Variants in NDE1 observed in about 807,000 individuals in gnomAD.
NDE1 encodes the protein nuclear distribution protein nudE homolog 1.
In NDE1, 28 loss-of-function variants were observed where a neutral mutation model predicts 43.4. That is an observed-to-expected ratio of 0.65 (90% CI 0.48 to 0.89). The LOEUF (loss-of-function observed/expected upper bound fraction) is 0.89, where lower values mean the gene tolerates loss of function less well. Ranked by LOEUF, NDE1 falls within the 40% of genes least tolerant of loss-of-function variation. The pLI, the probability that NDE1 is intolerant of heterozygous loss-of-function variation, is 0.00. For synonymous variants in NDE1, 184 were observed against 172.0 expected (o/e 1.07, Z -0.55); for missense variants, 441 against 434.1 (o/e 1.02, Z -0.14).
intron 2 of NDE1, among the ~76,000 whole-genome samples, chr16:15,666,248 T>G (rs2037301172): frequency 6.6e-6 from 1 of 152,088 alleles, no homozygotes; most frequent in Non-Finnish European, 1.5e-5. Flanking sequence ...TTGGCACTGT[T>G]TTTATTTATA....
intron 2 of NDE1, among the ~76,000 whole-genome samples, chr16:15,665,960 T>G (rs1255761432): frequency 6.6e-6 from 1 of 152,096 alleles, no homozygotes; most frequent in Non-Finnish European, 1.5e-5. Flanking sequence ...TTCTCCATGT[T>G]GGTCAGGCAG....
intron 1 of NDE1, among the ~76,000 whole-genome samples, chr16:15,656,260 T>G (rs560569238): frequency 7.2e-5 from 11 of 152,324 alleles, no homozygotes; most frequent in Admixed American, 5.2e-4. Flanking sequence ...GAGTTTTTGG[T>G]TGAAATGCTG....
intron 8 of NDE1, chr16:15,712,882 G>GTTTTTTTTTTTTTTTTTTTTTTTTTTGT (rs59799809): frequency 1.1e-5 from 1 of 90,636 alleles, no homozygotes; most frequent in Non-Finnish European, 2.3e-5. Flanking sequence ...TTCACATACA[G>GTTTTTTTTTTTTTTTTTTTTTTTTTTGT]TTTTTTTTTT....
At chr16:15,712,340 C>G (rs1416239118) in intron 8 of NDE1, among the ~76,000 whole-genome samples, 1 of 152,060 alleles carries the variant, frequency 6.6e-6, no homozygotes, top group Non-Finnish European at 1.5e-5. Context: ...GACCTCTCAC[C>G]TAGCGCTGGG....
chr16:15,704,999 G>C lies in NDE1; in HGVS notation c.947+8139G>C, dbSNP rs140954447. ...TGGCCTTCAAGGTGGATTTAAAAAA[G>C]AAATTTAAGAGTCTCTCTCACCCAG... On this transcript the variant is annotated intron_variant, in intron 8 of 8. Coordinates refer to ENST00000396354, the MANE Select transcript of NDE1 (RefSeq NM_017668.3). Among the ~76,000 whole-genome samples, 163 of 152,218 alleles carry C rather than the reference G, an allele frequency of 1.1e-3. 3 individuals carry two copies. The East Asian group carries it at 0.026, about 24-fold the overall frequency.
At chr16:15,673,273 A>G (rs1443725535) in intron 3 of NDE1, among the ~76,000 whole-genome samples, 2 of 151,938 alleles carry the variant, frequency 1.3e-5, no homozygotes, top group Non-Finnish European at 2.9e-5. Flanking sequence ...GCAGGGGCAC[A>G]ATCTTGGCTC....
In NDE1 at chr16:15,694,731, C is replaced by A. The variant is rs1478865525; in HGVS notation, c.795+475C>A. 3.0e-6 allele frequency: 3 copies of A among 985,264 alleles called. No homozygotes were observed. The African/African-American group carries it at 5.2e-5, about 17-fold the overall frequency. The allele number at this position is 985,264 out of a possible 1,614,324, so 61.0% of individuals were successfully genotyped here. On this transcript the variant is annotated intron_variant, in intron 7 of 8. Transcript: ENST00000396354. ...TCATTAGAGCTTCCTGTGGGAGTTA[C>A]TGCCAGACACTCAGAGCTCTGACTC...
At chr16:15,678,947 G>A (rs932716688) in intron 4 of NDE1, among the ~76,000 whole-genome samples, 2 of 151,888 alleles carry the variant, frequency 1.3e-5, no homozygotes, top group Non-Finnish European at 2.9e-5. Context: ...GTGGTGGCGG[G>A]TGCCTGTAGT....
At position 15,697,451 on chromosome 16, in the gene NDE1, G is replaced by A. The variant is rs148041050; in HGVS notation, c.947+591G>A. Among the ~76,000 whole-genome samples the A allele has an allele frequency of 2.4e-3, 373 of 152,276 alleles. 2 individuals are homozygous for A. Among genetic ancestry groups the A allele is most frequent in the African/African-American group, 8.4e-3 (349 of 41,554 alleles). ...GGGCCAGGTGTGGTGACGCTCGCCT[G>A]TAATCCCAGCAGTCTGGGAGGCCAA... On this transcript the variant is annotated intron_variant, in intron 8 of 8. Transcript: ENST00000396354.
intron 8 of NDE1, chr16:15,719,373 C>G (rs1490101495): frequency 1.3e-6 from 2 of 1,561,514 alleles, no homozygotes; most frequent in Non-Finnish European, 1.7e-6. Flanking sequence ...AGAGTCCACC[C>G]TGACAACTCA....
At position 15,725,818 on chromosome 16, in the gene NDE1, G is replaced by T. The variant is rs2040725985; in HGVS notation, c.*1567G>T. 2.5e-5 allele frequency: 10 copies of T among 397,632 alleles called. No individual in the cohort carries two copies. In the East Asian group the frequency reaches 3.2e-4, roughly 13 times the overall value. The allele number at this position is 397,632 out of a possible 1,614,324, so 24.6% of individuals were successfully genotyped here. On this transcript the variant is annotated 3_prime_UTR_variant, in exon 9 of 9. Transcript: ENST00000396354. ...AGTGAAAGAAGACCAAAGACAAAAAGACCATGTCATTCAGCAGCTTAAAAC... is the reference window on the plus strand; with the variant it reads ...AGTGAAAGAAGACCAAAGACAAAAATACCATGTCATTCAGCAGCTTAAAAC...
chr16:15,654,610 A>C (rs905591357), intron 1 of NDE1, among the ~76,000 whole-genome samples: 4 of 148,990 alleles, frequency 2.7e-5, no homozygotes, highest in East Asian at 1.9e-4. Flanking sequence ...CTCAAAAAAA[A>C]AAAAAACAAA....
upstream of NDE1, among the ~76,000 whole-genome samples, chr16:15,645,811 T>C (rs922695038): frequency 6.6e-6 from 1 of 152,214 alleles, no homozygotes; most frequent in African/African-American, 2.4e-5. Context: ...GTAGCTACTT[T>C]ACATGCAATT....
intron 8 of NDE1, among the ~76,000 whole-genome samples, chr16:15,708,562 T>G (rs2039594550): frequency 6.6e-6 from 1 of 152,210 alleles, no homozygotes; most frequent in Admixed American, 6.5e-5. Context: ...CTGTTGGGTG[T>G]CATGTCACAT....
At chr16:15,719,791 C>G in intron 8 of NDE1, 2 of 1,590,000 alleles carry the variant, frequency 1.3e-6, no homozygotes, top group Middle Eastern at 1.9e-4. Flanking sequence ...GCTTTGCACA[C>G]CCACCCCTTG....
chr16:15,696,414 C>G (rs1423367697), intron 7 of NDE1, among the ~76,000 whole-genome samples: 3 of 151,498 alleles, frequency 2.0e-5, no homozygotes, highest in Non-Finnish European at 4.4e-5. Flanking sequence ...TGGGATCTTA[C>G]TTTGTGGCCC....
At chr16:15,694,561 T>A (rs535679599) in intron 7 of NDE1, 3 of 896,546 alleles carry the variant, frequency 3.3e-6, no homozygotes, top group African/African-American at 3.6e-5. Context: ...TTGCCCAGGC[T>A]GGTCTTAAAC....
intron 3 of NDE1, among the ~76,000 whole-genome samples, chr16:15,674,730 A>G (rs952970486): frequency 6.6e-6 from 1 of 151,906 alleles, no homozygotes; most frequent in African/African-American, 2.4e-5. Context: ...GCTTTTTGAG[A>G]TAGCTGGGTC....
chr16:15,712,420 C>T (rs1183398602), intron 8 of NDE1, among the ~76,000 whole-genome samples: 2 of 151,938 alleles, frequency 1.3e-5, no homozygotes, highest in African/African-American at 2.4e-5. Context: ...GAGGCTGAGG[C>T]GGGTGGATCA....
Sources: allele counts gnomAD v4.1 joint callset (sites outside exome capture counted in the v4.1 genomes callset), GRCh38; gene constraint gnomAD v4.1.1; transcripts MANE v1.5; gene names NCBI Gene and HGNC (gene_info 2026-07-23, HGNC 2026-07-21).